GRID1: variants seen among roughly 807,000 people sequenced by gnomAD.
GRID1 encodes glutamate receptor ionotropic, delta-1.
Under a neutral mutation model 98.0 loss-of-function variants are expected in GRID1, and 28 were observed. The ratio of observed to expected loss-of-function variants is 0.29; its 90% CI spans 0.21 to 0.39. The LOEUF (loss-of-function observed/expected upper bound fraction) is 0.39. GRID1 is among the 10% of genes least tolerant of loss of function. The pLI, the probability that GRID1 is intolerant of heterozygous loss-of-function variation, is 1.00. For synonymous variants in GRID1, 553 were observed against 538.5 expected, an observed-to-expected ratio of 1.03 and a Z score of -0.37; for missense variants, 1,111 against 1,340.5, an observed-to-expected ratio of 0.83 and a Z score of 2.67.
intron 8 of GRID1, among the ~76,000 whole-genome samples, chr10:85,824,644 A>C (rs548039313): frequency 6.6e-6 from 1 of 152,288 alleles, no homozygotes; most frequent in South Asian, 2.1e-4. Context: ...CTGTTACCCA[A>C]GTAGTGTACA....
In GRID1 at chr10:85,743,033, G is replaced by A. The variant is rs1917139; in HGVS notation, c.1234-13419C>T. On this transcript the variant is annotated intron_variant, in intron 8 of 15. Transcript: ENST00000327946. Reference sequence around the variant, plus strand: ...GTAGTGCCTCTCCCCCGACTCCCCGGCCCCCCACCAGTGTGATAACCAAAA... The same window carrying A: ...GTAGTGCCTCTCCCCCGACTCCCCGACCCCCCACCAGTGTGATAACCAAAA... Among the ~76,000 whole-genome samples the A allele has an allele frequency of 5.7e-3, 684 of 120,644 alleles. 9 individuals are homozygous for A. Among genetic ancestry groups the A allele is most frequent in the South Asian group, 0.055 (197 of 3,584 alleles). 79.1% of individuals were successfully genotyped at this position (120,644 alleles called of 152,430 possible).
At chr10:86,214,472 AT>A (rs1352667900) in intron 2 of GRID1, among the ~76,000 whole-genome samples, 2 of 152,172 alleles carry the variant, frequency 1.3e-5, no homozygotes, top group African/African-American at 4.8e-5. Flanking sequence ...AACATTTGCC[AT>A]GTTGGACTAT....
In GRID1 at chr10:86,265,798, C is replaced by T. The variant is rs181351876; in HGVS notation, c.236-59150G>A. Among the ~76,000 whole-genome samples the T allele has an allele frequency of 7.7e-4, 118 of 152,266 alleles. 2 individuals carry two copies. The East Asian group carries it at 0.022, about 29-fold the overall frequency. On this transcript the variant is annotated intron_variant, in intron 2 of 15. Transcript: ENST00000327946. ...AGGCTGCTCCTGGTTAGGCATCAAACGAATCAATCTTCTCTGACAGTTAAT... is the reference window on the plus strand; with the variant it reads ...AGGCTGCTCCTGGTTAGGCATCAAATGAATCAATCTTCTCTGACAGTTAAT...
chr10:85,943,712 TA>T (rs1401537762), intron 4 of GRID1, among the ~76,000 whole-genome samples: 1 of 152,060 alleles, frequency 6.6e-6, no homozygotes, highest in Non-Finnish European at 1.5e-5. Flanking sequence ...TTAATATCAG[TA>T]AATAAAGAGC....
chr10:86,275,804 T>C (rs1472655567), intron 2 of GRID1, among the ~76,000 whole-genome samples: 1 of 152,060 alleles, frequency 6.6e-6, no homozygotes, highest in African/African-American at 2.4e-5. Flanking sequence ...CAGACTAACA[T>C]ACTCATTATG....
intron 5 of GRID1, among the ~76,000 whole-genome samples, chr10:85,890,713 G>C (rs995938485): frequency 1.3e-5 from 2 of 152,004 alleles, no homozygotes; most frequent in Non-Finnish European, 2.9e-5. Flanking sequence ...CACCAGGCCT[G>C]GTAAGTACTC....
At chr10:86,253,430 G>T (rs1032565638) in intron 2 of GRID1, among the ~76,000 whole-genome samples, 1 of 152,222 alleles carries the variant, frequency 6.6e-6, no homozygotes, top group South Asian at 2.1e-4. Flanking sequence ...ATGTGTGCAG[G>T]GAGTGAGGCT....
At chr10:85,957,548 C>A (rs1589313318) in intron 4 of GRID1, among the ~76,000 whole-genome samples, 1 of 152,264 alleles carries the variant, frequency 6.6e-6, no homozygotes, top group East Asian at 1.9e-4. Flanking sequence ...AGATGGAACT[C>A]CCCAAAATGA....
At chr10:86,193,433 G>T (rs1460076445) in intron 3 of GRID1, among the ~76,000 whole-genome samples, 2 of 152,084 alleles carry the variant, frequency 1.3e-5, no homozygotes, top group Non-Finnish European at 2.9e-5. Flanking sequence ...CGTGGCCTTT[G>T]GTGGGCCTCT....
intron 4 of GRID1, among the ~76,000 whole-genome samples, chr10:86,061,467 G>T (rs539656609): frequency 6.6e-6 from 1 of 152,150 alleles, no homozygotes; most frequent in South Asian, 2.1e-4. Flanking sequence ...CAGCCCTGCC[G>T]TCTGGCTCGC....
At chr10:85,638,908 T>G (rs1590170085) in intron 13 of GRID1, among the ~76,000 whole-genome samples, 1 of 152,300 alleles carries the variant, frequency 6.6e-6, no homozygotes, top group East Asian at 1.9e-4. Context: ...CTAAATTGGC[T>G]GCAACCAAAA....
chr10:85,688,759 C>T (rs1439035177), intron 12 of GRID1, among the ~76,000 whole-genome samples: 1 of 152,112 alleles, frequency 6.6e-6, no homozygotes, highest in African/African-American at 2.4e-5. Flanking sequence ...GGTTTAGGGT[C>T]GCGCTAATGA....
At chr10:85,881,256 A>T (rs1321614593) in intron 5 of GRID1, among the ~76,000 whole-genome samples, 1 of 152,220 alleles carries the variant, frequency 6.6e-6, no homozygotes, top group Non-Finnish European at 1.5e-5. Context: ...CTTTCTTCAC[A>T]GAATTGGAAA....
At chr10:86,167,321 C>T (rs565922084) in intron 3 of GRID1, among the ~76,000 whole-genome samples, 1 of 152,338 alleles carries the variant, frequency 6.6e-6, no homozygotes, top group African/African-American at 2.4e-5. Flanking sequence ...AGACTGAAGG[C>T]CTGAGTGCAG....
At chr10:86,341,528 G>A (rs949947015) in intron 2 of GRID1, among the ~76,000 whole-genome samples, 7 of 152,162 alleles carry the variant, frequency 4.6e-5, no homozygotes, top group South Asian at 2.1e-4. Flanking sequence ...TCCCGGCCAC[G>A]GCTTTCCCTC....
intron 2 of GRID1, among the ~76,000 whole-genome samples, chr10:86,242,140 CCA>C (rs1233579505): frequency 6.6e-6 from 1 of 152,184 alleles, no homozygotes; most frequent in Non-Finnish European, 1.5e-5. Context: ...AACAATGAGC[CCA>C]CCTGGCAGGG....
chr10:86,295,383 G>A (rs919226515), intron 2 of GRID1, among the ~76,000 whole-genome samples: 4 of 152,176 alleles, frequency 2.6e-5, no homozygotes, highest in Non-Finnish European at 4.4e-5. Context: ...AGGAAAGGGC[G>A]TCTCAGACAG....
At chr10:85,769,110 C>T (rs1367631428) in intron 8 of GRID1, among the ~76,000 whole-genome samples, 1 of 152,174 alleles carries the variant, frequency 6.6e-6, no homozygotes, top group Non-Finnish European at 1.5e-5. Context: ...TCAAGAAGTT[C>T]TTTCTGAACT....
At chr10:85,995,544 C>G (rs968147300) in intron 4 of GRID1, among the ~76,000 whole-genome samples, 7 of 152,298 alleles carry the variant, frequency 4.6e-5, no homozygotes, top group African/African-American at 1.4e-4. Context: ...ATGATTCTCC[C>G]CTGAACATAG....
Sources: gnomAD v4.1 joint callset for allele counts (sites outside exome capture counted in the v4.1 genomes callset) on GRCh38, gnomAD v4.1.1 for gene constraint, MANE v1.5 for transcripts, NCBI Gene and HGNC (gene_info 2026-07-23, HGNC 2026-07-21) for gene names.